Variants in PCDH15 observed in about 807,000 individuals in gnomAD.
PCDH15 encodes protocadherin-15.
In PCDH15, 129 loss-of-function variants were observed where a neutral mutation model predicts 178.5. That is an observed-to-expected ratio of 0.72 (90% CI 0.63 to 0.84). The LOEUF (loss-of-function observed/expected upper bound fraction) is 0.84. PCDH15 is among the 40% of genes least tolerant of loss of function. The pLI is 0.00. For synonymous variants in PCDH15, 800 were observed against 732.0 expected (o/e 1.09, Z -1.50); for missense variants, 2,230 against 2,099.9 (o/e 1.06, Z -1.21).
At chr10:54,404,716 C>T (rs1203650825) in intron 3 of PCDH15, among the ~76,000 whole-genome samples, 1 of 151,744 alleles carries the variant, frequency 6.6e-6, no homozygotes, top group Non-Finnish European at 1.5e-5. Context: ...AACAGACAAA[C>T]CTACAGAATG....
chr10:54,735,631 G>A (rs1305159520), intron 1 of PCDH15, among the ~76,000 whole-genome samples: 1 of 131,106 alleles, frequency 7.6e-6, no homozygotes, highest in African/African-American at 2.9e-5. Context: ...GTCCAACAAT[G>A]ATAGACTGGA....
intron 26 of PCDH15, among the ~76,000 whole-genome samples, chr10:53,869,725 T>G (rs1286034367): frequency 6.6e-6 from 1 of 152,028 alleles, no homozygotes; most frequent in Non-Finnish European, 1.5e-5. Flanking sequence ...GAGGATCACC[T>G]GAGCCCAGGA....
At chr10:53,892,298 T>G (rs1288743466) in intron 26 of PCDH15, among the ~76,000 whole-genome samples, 4 of 152,154 alleles carry the variant, frequency 2.6e-5, no homozygotes, top group Non-Finnish European at 5.9e-5. Flanking sequence ...GTTCTGGGAT[T>G]ACAGGCGTGA....
chr10:54,259,426 A>G (rs1221440184), intron 8 of PCDH15, among the ~76,000 whole-genome samples: 8 of 152,186 alleles, frequency 5.3e-5, no homozygotes, highest in Non-Finnish European at 2.9e-5. Flanking sequence ...CCATGAGAGC[A>G]AAATCAATGT....
At chr10:54,592,437 T>G (rs2091945258) in intron 2 of PCDH15, among the ~76,000 whole-genome samples, 1 of 152,070 alleles carries the variant, frequency 6.6e-6, no homozygotes, top group African/African-American at 2.4e-5. Context: ...TGCAACTTGA[T>G]TTTTGTATAT....
In PCDH15 at chr10:54,494,877, A is replaced by G. The variant is rs1282284768; in HGVS notation, c.157+32935T>C. On this transcript the variant is annotated intron_variant, in intron 3 of 37. Transcript: ENST00000644397. Reference sequence around the variant, plus strand: ...AAAAGAGGATGTCTTGGTGGGGTTGAATCCATTGCTCAATTCTGGAGGCCC... The same window carrying G: ...AAAAGAGGATGTCTTGGTGGGGTTGGATCCATTGCTCAATTCTGGAGGCCC... Among the ~76,000 whole-genome samples the G allele has an allele frequency of 2.0e-5, 3 of 152,100 alleles. No homozygotes were observed. In the East Asian group the frequency reaches 5.8e-4, roughly 29 times the overall value.
At chr10:54,503,041 T>C (rs889363556) in intron 3 of PCDH15, among the ~76,000 whole-genome samples, 2 of 151,730 alleles carry the variant, frequency 1.3e-5, no homozygotes, top group Non-Finnish European at 2.9e-5. Flanking sequence ...ATAGTATGTG[T>C]AAAATATCCT....
chr10:54,161,763 A>G (rs961247126), intron 13 of PCDH15, among the ~76,000 whole-genome samples: 2 of 152,116 alleles, frequency 1.3e-5, no homozygotes, highest in African/African-American at 2.4e-5. Context: ...TTATGATTCC[A>G]GTTTACCAAT....
intron 3 of PCDH15, among the ~76,000 whole-genome samples, chr10:54,890,024 A>G (rs1403450162): frequency 3.9e-5 from 6 of 151,944 alleles, no homozygotes; most frequent in Non-Finnish European, 8.8e-5. Context: ...GGCTTTGCAC[A>G]CTGTTTAGAT....
At chr10:54,430,001 C>T (rs1223251043) in intron 3 of PCDH15, among the ~76,000 whole-genome samples, 4 of 149,194 alleles carry the variant, frequency 2.7e-5, no homozygotes, top group African/African-American at 9.8e-5. Flanking sequence ...TAGATATTTA[C>T]AGAACATTTC....
intron 2 of PCDH15, among the ~76,000 whole-genome samples, chr10:55,527,769 T>C (rs907558984): frequency 6.6e-6 from 1 of 152,082 alleles, no homozygotes; most frequent in African/African-American, 2.4e-5. Flanking sequence ...AAAAGTCCTG[T>C]CTTCAGCTGT....
intron 6 of PCDH15, among the ~76,000 whole-genome samples, chr10:54,334,009 T>C (rs1161309017): frequency 6.6e-6 from 1 of 152,190 alleles, no homozygotes; most frequent in Non-Finnish European, 1.5e-5. Context: ...TTTCTGATAG[T>C]CGTGGATATT....
intron 3 of PCDH15, among the ~76,000 whole-genome samples, chr10:54,379,533 G>C (rs986383257): frequency 2.0e-5 from 3 of 151,980 alleles, no homozygotes; most frequent in African/African-American, 7.2e-5. Context: ...TACTCTACTA[G>C]AACAACGCAC....
chr10:53,833,289 G>A (rs769107627), intron 29 of PCDH15, among the ~76,000 whole-genome samples: 1 of 152,010 alleles, frequency 6.6e-6, no homozygotes, highest in African/African-American at 2.4e-5. Flanking sequence ...TCTAAAGTAA[G>A]ATTTGTTAGT....
At chr10:54,826,294 G>T (rs1255735414) in intron 3 of PCDH15, among the ~76,000 whole-genome samples, 1 of 151,874 alleles carries the variant, frequency 6.6e-6, no homozygotes. Flanking sequence ...CAGCTATATT[G>T]CTTTGTGGAA....
At chr10:55,192,846 T>A (rs1839980682) in intron 1 of PCDH15, among the ~76,000 whole-genome samples, 1 of 151,462 alleles carries the variant, frequency 6.6e-6, no homozygotes, top group Non-Finnish European at 1.5e-5. Context: ...CACACTTATA[T>A]GTATAATGTA....
Position 54,273,634 on chromosome 10 carries a change from A to G in PCDH15, c.877-36703T>C, listed in dbSNP as rs528482494. On this transcript the variant is annotated intron_variant, in intron 8 of 37. Transcript: ENST00000644397. ...AAACAACTTACTAGTTTTAAAAGAA[A>G]AAAAAGTCATCAAACATATATCCTT... 1.7e-4 allele frequency among the ~76,000 whole-genome samples: 26 copies of G among 152,274 alleles called. 1 individual carries two copies. The highest frequency in any genetic ancestry group is 1.2e-3 in the Admixed American group (19 of 15,266).
At chr10:55,052,003 C>T (rs1841174239) in intron 2 of PCDH15, among the ~76,000 whole-genome samples, 1 of 151,530 alleles carries the variant, frequency 6.6e-6, no homozygotes, top group South Asian at 2.1e-4. Flanking sequence ...TGTGAGGATA[C>T]TGTAAAAGAT....
rs2134389217 is a variant in PCDH15 at position 54,236,896 on chromosome 10, G to A, written c.912C>T (p.Ile304=). ...TATTCCGGTCCTGATCAATGGCTTGGATTGGTGGCGTAACAATAATGGGGT... is the reference window on the plus strand; with the variant it reads ...TATTCCGGTCCTGATCAATGGCTTGAATTGGTGGCGTAACAATAATGGGGT... ...ELNPIIVTPP[I]QAIDQDRNIQ... is the part of the protein sequence containing the mutation. Residue 304 remains isoleucine, a synonymous_variant, in exon 9 of 38, where the codon ATC becomes ATT. Transcript: ENST00000644397. 6.2e-7 allele frequency: 1 copy of A among 1,613,604 alleles called. No homozygotes were observed. The highest frequency in any genetic ancestry group is 2.2e-5 in the East Asian group (1 of 44,824).
Sources: gnomAD v4.1 joint callset for allele counts (sites outside exome capture counted in the v4.1 genomes callset) on GRCh38, gnomAD v4.1.1 for gene constraint, MANE v1.5 for transcripts, NCBI Gene and HGNC (gene_info 2026-07-23, HGNC 2026-07-21) for gene names.